Variants in ATXN10 observed in about 807,000 individuals in gnomAD.
ATXN10 encodes the protein ataxin-10.
In ATXN10, 28 loss-of-function variants were observed where a neutral mutation model predicts 52.9. That is an observed-to-expected ratio of 0.53 (90% CI 0.39 to 0.73). The LOEUF is 0.73. Ranked by LOEUF, ATXN10 falls within the 30% of genes least tolerant of loss-of-function variation. ATXN10 has a pLI of 0.00. For synonymous variants in ATXN10, 226 were observed against 221.5 expected, an observed-to-expected ratio of 1.02 and a Z score of -0.18; for missense variants, 565 against 577.0, an observed-to-expected ratio of 0.98 and a Z score of 0.21.
At chr22:45,719,604 A>C (rs1480117629) in intron 6 of ATXN10, among the ~76,000 whole-genome samples, 1 of 152,046 alleles carries the variant, frequency 6.6e-6, no homozygotes. Context: ...AAGAATGCAC[A>C]GTTTAATTGT....
chr22:45,785,807 T>C (rs1297998353), intron 9 of ATXN10, among the ~76,000 whole-genome samples: 3 of 152,226 alleles, frequency 2.0e-5, no homozygotes, highest in Non-Finnish European at 2.9e-5. Flanking sequence ...TGCACCGTCC[T>C]GCAGGAGGGG....
intron 1 of ATXN10, among the ~76,000 whole-genome samples, chr22:45,687,972 G>T (rs1027098753): frequency 1.4e-4 from 21 of 152,250 alleles, no homozygotes; most frequent in Admixed American, 1.2e-3. Flanking sequence ...CAGAAGAATT[G>T]CTTGAACCCA....
chr22:45,740,730 A>G (rs1925491860), intron 9 of ATXN10, 192 bp downstream of exon 9: 4 of 400,436 alleles, frequency 1.0e-5, no homozygotes, highest in South Asian at 2.9e-5. Flanking sequence ...ATATATATAC[A>G]CACACACACG....
rs760520011 is a variant in ATXN10, at chr22:45,672,010, G to A, written c.-54G>A. The A allele has an allele frequency of 6.6e-7, 1 of 1,521,482 alleles. No homozygotes were observed. Among genetic ancestry groups the A allele is most frequent in the Non-Finnish European group, 8.8e-7 (1 of 1,136,452 alleles). 94.2% of individuals were successfully genotyped at this position (1,521,482 alleles called of 1,614,324 possible). ...TCCCTCCTCGTCATCCTCCCCCTTC[G>A]TCCTCCTCGCCTTCCTCCTCCTCGT... On this transcript the variant is annotated 5_prime_UTR_variant, in exon 1 of 12. Coordinates refer to ENST00000252934, the MANE Select transcript of ATXN10 (RefSeq NM_013236.4).
intron 5 of ATXN10, among the ~76,000 whole-genome samples, chr22:45,717,530 C>T (rs1424174288): frequency 6.6e-6 from 1 of 152,120 alleles, no homozygotes; most frequent in African/African-American, 2.4e-5. Flanking sequence ...GAATATTTTA[C>T]ATCAGAGTGT....
intron 9 of ATXN10, among the ~76,000 whole-genome samples, chr22:45,749,587 G>A (rs1279971797): frequency 6.6e-6 from 1 of 151,792 alleles, no homozygotes; most frequent in Non-Finnish European, 1.5e-5. Context: ...TAAGAGGTGG[G>A]GTCTTGCTCT....
At chr22:45,778,301 A>G (rs1293569753) in intron 9 of ATXN10, among the ~76,000 whole-genome samples, 1 of 152,218 alleles carries the variant, frequency 6.6e-6, no homozygotes, top group African/African-American at 2.4e-5. Context: ...TGAACTTACT[A>G]TGTGCCAGGC....
At chr22:45,808,768 C>T (rs1452415054) in intron 10 of ATXN10, among the ~76,000 whole-genome samples, 4 of 152,192 alleles carry the variant, frequency 2.6e-5, no homozygotes, top group African/African-American at 7.2e-5. Flanking sequence ...AGACAGAGCA[C>T]ATGCAGAGAA....
Position 45,790,988 on chromosome 22 carries a change from G to A in ATXN10, c.1174-15971G>A, listed in dbSNP as rs1254382348. 6.6e-6 allele frequency among the ~76,000 whole-genome samples: 1 copy of A among 152,030 alleles called. No homozygotes were observed. The highest frequency in any genetic ancestry group is 1.5e-5 in the Non-Finnish European group (1 of 68,012). On this transcript the variant is annotated intron_variant, in intron 9 of 11. Coordinates refer to ENST00000252934, the MANE Select transcript of ATXN10 (RefSeq NM_013236.4). The surrounding 1 kb of genome is among the most constrained non-coding windows in gnomAD (Gnocchi z 4.7). ...TCATGCCTCAGCCTCCCCAGTAGCT[G>A]GGACTACAGTTACACACTGTCACAC...
chr22:45,772,138 A>G lies in ATXN10; in HGVS notation c.1173+31600A>G, dbSNP rs1335918648. Among the ~76,000 whole-genome samples the G allele has an allele frequency of 1.3e-5, 2 of 151,564 alleles. No individual in the cohort carries two copies. The highest frequency in any genetic ancestry group is 4.9e-5 in the African/African-American group (2 of 41,204). ...TCATACTTTTTGTGTCATTTCAAGAACTCTGTCCCTAATTCAGAATCACAA... is the reference window on the plus strand; with the variant it reads ...TCATACTTTTTGTGTCATTTCAAGAGCTCTGTCCCTAATTCAGAATCACAA... On this transcript the variant is annotated intron_variant, in intron 9 of 11. Transcript: ENST00000252934. The surrounding 1 kb of genome is among the most constrained non-coding windows in gnomAD (Gnocchi z 4.1).
intron 9 of ATXN10, among the ~76,000 whole-genome samples, chr22:45,751,054 C>T (rs981851146): frequency 1.3e-5 from 2 of 152,112 alleles, no homozygotes; most frequent in Non-Finnish European, 2.9e-5. Context: ...CCTCAGCCTC[C>T]TGAGTAGCTG....
At chr22:45,714,539 C>T (rs1195228476) in intron 5 of ATXN10, among the ~76,000 whole-genome samples, 1 of 151,932 alleles carries the variant, frequency 6.6e-6, no homozygotes. Flanking sequence ...TACCACCGCA[C>T]CTGGCTGATT....
At position 45,835,166 on chromosome 22, in the gene ATXN10, G is replaced by C. The variant is rs1929125527; in HGVS notation, c.1238-7825G>C. ...CCTCCATCGGCCACAGAAGCTTTTG[G>C]AGTGGGCAGGGCACAGGTCATCTTC... On this transcript the variant is annotated intron_variant, in intron 10 of 11. Coordinates refer to ENST00000252934, the MANE Select transcript of ATXN10 (RefSeq NM_013236.4). This position sits in a 1 kb window ranked among gnomAD's most constrained non-coding sequence, Gnocchi z 5.0. Among the ~76,000 whole-genome samples, 1 of 152,218 alleles carries C rather than the reference G, an allele frequency of 6.6e-6. No individual in the cohort carries two copies. The highest frequency in any genetic ancestry group is 1.5e-5 in the Non-Finnish European group (1 of 68,036).
At chr22:45,713,104 AC>A (rs1230999470) in intron 5 of ATXN10, among the ~76,000 whole-genome samples, 1 of 150,166 alleles carries the variant, frequency 6.7e-6, no homozygotes, top group Non-Finnish European at 1.5e-5. Flanking sequence ...TTTCCCTGAA[AC>A]CCCCCGTCTT....
intron 1 of ATXN10, chr22:45,689,486 G>A (rs1274211646): frequency 5.2e-6 from 3 of 573,024 alleles, no homozygotes; most frequent in East Asian, 3.0e-5. Flanking sequence ...TCATAAGGCT[G>A]TTGCAGAGAC....
Position 45,690,139 on chromosome 22 carries a change from G to T in ATXN10, c.308+236G>T, listed in dbSNP as rs1388512388. 1.3e-5 allele frequency among the ~76,000 whole-genome samples: 2 copies of T among 152,110 alleles called. No individual in the cohort carries two copies. Among genetic ancestry groups the T allele is most frequent in the African/African-American group, 4.8e-5 (2 of 41,394 alleles). Reference sequence around the variant, plus strand: ...AAAATACAAAAAATTAGCTGGACATGGTGGCGCACACCTGTAGTCCCAACT... The same window carrying T: ...AAAATACAAAAAATTAGCTGGACATTGTGGCGCACACCTGTAGTCCCAACT... On this transcript the variant is annotated intron_variant, in intron 2 of 11. Coordinates refer to ENST00000252934, the MANE Select transcript of ATXN10 (RefSeq NM_013236.4). The surrounding 1 kb of genome is among the most constrained non-coding windows in gnomAD (Gnocchi z 4.5).
At chr22:45,740,612 C>T (rs535906036) in intron 9 of ATXN10, 74 bp downstream of exon 9, 3 of 1,477,812 alleles carry the variant, frequency 2.0e-6, no homozygotes, top group East Asian at 2.3e-5. Context: ...GACATTCACT[C>T]TTTTGGAGTG....
At position 45,837,834 on chromosome 22, in the gene ATXN10, A is replaced by G. The variant is rs993665592; in HGVS notation, c.1238-5157A>G. 3.3e-4 allele frequency among the ~76,000 whole-genome samples: 51 copies of G among 152,244 alleles called. No homozygotes were observed. The highest frequency in any genetic ancestry group is 1.2e-3 in the African/African-American group (49 of 41,540). ...TGTGCCAGAAATCAGTATTCTTTAG[A>G]TTTTTTTCCAATCATCTAAATATAT... On this transcript the variant is annotated intron_variant, in intron 10 of 11. Transcript: ENST00000252934. This position sits in a 1 kb window ranked among gnomAD's most constrained non-coding sequence, Gnocchi z 5.8.
chr22:45,770,338 G>A lies in ATXN10; in HGVS notation c.1173+29800G>A, dbSNP rs778621021. ...TGAGAATTTTTTTAAAATGAGACAG[G>A]ATGAGGACACATTGTAATAAGTACT... On this transcript the variant is annotated intron_variant, in intron 9 of 11. Coordinates refer to ENST00000252934, the MANE Select transcript of ATXN10 (RefSeq NM_013236.4). This position sits in a 1 kb window ranked among gnomAD's most constrained non-coding sequence, Gnocchi z 4.5. Among the ~76,000 whole-genome samples, 3 of 152,144 alleles carry A rather than the reference G, an allele frequency of 2.0e-5. No individual in the cohort carries two copies. Among genetic ancestry groups the A allele is most frequent in the Non-Finnish European group, 2.9e-5 (2 of 68,010 alleles).
Sources: allele counts gnomAD v4.1 joint callset (sites outside exome capture counted in the v4.1 genomes callset), GRCh38; gene constraint gnomAD v4.1.1; non-coding constraint Gnocchi (gnomAD v3.1); transcripts MANE v1.5; gene names NCBI Gene and HGNC (gene_info 2026-07-23, HGNC 2026-07-21).